The following OTUD3 variants were observed in gnomAD, a reference collection of about 807,000 sequenced individuals.
The protein encoded by OTUD3 is OTU domain-containing protein 3.
Under a neutral mutation model 46.2 loss-of-function variants are expected in OTUD3, and 24 were observed. The observed-to-expected ratio is 0.52, with a 90% CI of 0.38 to 0.73. OTUD3 has a LOEUF of 0.73. OTUD3 is among the 30% of genes least tolerant of loss of function. OTUD3 has a pLI of 0.00. For missense variants in OTUD3, 455 were observed against 523.3 expected, an observed-to-expected ratio of 0.87 and a Z score of 1.27; for synonymous variants, 189 against 195.4, an observed-to-expected ratio of 0.97 and a Z score of 0.27.
At chr1:19,891,636 C>G (rs1417962220) in intron 2 of OTUD3, among the ~76,000 whole-genome samples, 2 of 152,140 alleles carry the variant, frequency 1.3e-5, no homozygotes, top group African/African-American at 4.8e-5. Flanking sequence ...AAGAGTGATT[C>G]TGAAGTTTCT....
rs1359355653 is a variant in OTUD3, at chr1:19,910,118, C to G, written c.*2372C>G. On this transcript the variant is annotated 3_prime_UTR_variant, in exon 8 of 8. Transcript: ENST00000375120. Reference sequence around the variant, plus strand: ...TGCCTCAGTGGGCACTTGAAAATTCCTTCACTGGCAGCCCGAGTGGAGGCC... The same window carrying G: ...TGCCTCAGTGGGCACTTGAAAATTCGTTCACTGGCAGCCCGAGTGGAGGCC... 2 of 152,402 alleles carry G rather than the reference C, an allele frequency of 1.3e-5. No individual in the cohort carries two copies. 9.4% of individuals were successfully genotyped at this position (152,402 alleles called of 1,614,324 possible). A position where few individuals can be genotyped will look rare whatever the true frequency, so the allele number is the denominator to read the frequency against.
At position 19,910,641 on chromosome 1, in the gene OTUD3, A is replaced by G. The variant is rs1361325904; in HGVS notation, c.*2895A>G. 6.6e-6 allele frequency: 1 copy of G among 152,378 alleles called. No homozygotes were observed. The highest frequency in any genetic ancestry group is 6.5e-5 in the Admixed American group (1 of 15,288). The allele number at this position is 152,378 out of a possible 1,614,324, so 9.4% of individuals were successfully genotyped here. Reference sequence around the variant, plus strand: ...TTAAATGTTAGTCGAAGTTGTCTGTAGTTTCTTTATTAAGCTCTGAAAACA... The same window carrying G: ...TTAAATGTTAGTCGAAGTTGTCTGTGGTTTCTTTATTAAGCTCTGAAAACA... On this transcript the variant is annotated 3_prime_UTR_variant, in exon 8 of 8. Transcript: ENST00000375120.
chr1:19,884,664 A>G (rs141835221), intron 1 of OTUD3, among the ~76,000 whole-genome samples: 24 of 152,320 alleles, frequency 1.6e-4, no homozygotes, highest in Admixed American at 8.5e-4. Flanking sequence ...TCCATTAGCT[A>G]TCAGAGTGAT....
At position 19,909,564 on chromosome 1, in the gene OTUD3, A is replaced by T. The variant is rs2045708521; in HGVS notation, c.*1818A>T. 6.6e-6 allele frequency: 1 copy of T among 152,368 alleles called. No homozygotes were observed. Among genetic ancestry groups the T allele is most frequent in the South Asian group, 2.1e-4 (1 of 4,832 alleles). 9.4% of individuals were successfully genotyped at this position (152,368 alleles called of 1,614,324 possible). On this transcript the variant is annotated 3_prime_UTR_variant, in exon 8 of 8. Transcript: ENST00000375120. The stretch of plus-strand genomic sequence containing the variant: ...TGTCTTGGTTTTCAACTCTGGGCAG[A>T]TTCCTGACTGGCTGAGTGTTTCTGA...
chr1:19,891,606 G>A (rs541560177), intron 2 of OTUD3, among the ~76,000 whole-genome samples: 5 of 152,302 alleles, frequency 3.3e-5, no homozygotes, highest in African/African-American at 9.6e-5. Flanking sequence ...TTGGAGGTGA[G>A]GAGGGGAGAG....
In OTUD3 at chr1:19,882,578, G is replaced by T. The variant is rs201163171; in HGVS notation, c.65G>T (p.Arg22Leu). ...GGCAGCCGGAAAGCCGAGGCCGAGC[G>T]CAAGCGGGACGAGCGGGCGGCGCGC... ...GSGSRKAEAERKRDERAARRA... is the reference protein window; with the variant it reads ...GSGSRKAEAELKRDERAARRA... Residue 22 changes from arginine (R) to leucine (L), a missense_variant, in exon 1 of 8, where the codon CGC becomes CTC. Coordinates refer to ENST00000375120, the MANE Select transcript of OTUD3 (RefSeq NM_015207.2). The T allele has an allele frequency of 1.8e-3, 2,546 of 1,400,700 alleles. 16 individuals carry two copies. Among genetic ancestry groups the T allele is most frequent in the Admixed American group, 5.4e-3 (165 of 30,674 alleles). 86.8% of individuals were successfully genotyped at this position (1,400,700 alleles called of 1,614,324 possible). A position where few individuals can be genotyped will look rare whatever the true frequency, so the allele number is the denominator to read the frequency against.
chr1:19,906,631 G>A lies in OTUD3; in HGVS notation c.1020+15G>A, dbSNP rs2045665139. 1.3e-6 allele frequency: 2 copies of A among 1,592,400 alleles called. No individual in the cohort carries two copies. Among genetic ancestry groups the A allele is most frequent in the East Asian group, 2.3e-5 (1 of 44,240 alleles). ...AGCTCGCAAAGGTATGTAAGATGGG[G>A]TTGAATGGGCAGGTGGTGGGCAGGT... On this transcript the variant is annotated intron_variant, in intron 7 of 7. Transcript: ENST00000375120.
intron 6 of OTUD3, among the ~76,000 whole-genome samples, 162 bp downstream of exon 6, chr1:19,905,149 G>A (rs1043286076): frequency 6.6e-6 from 1 of 152,168 alleles, no homozygotes; most frequent in African/African-American, 2.4e-5. Context: ...ACTAGGTCCT[G>A]TCTCTGCTTC....
intron 2 of OTUD3, among the ~76,000 whole-genome samples, chr1:19,894,079 T>C (rs1053808176): frequency 2.6e-5 from 4 of 152,244 alleles, no homozygotes; most frequent in African/African-American, 9.6e-5. Context: ...ACTGTGTTTA[T>C]TGTTATGTTT....
chr1:19,906,829 GA>G, intron 7 of OTUD3: 2 of 444,176 alleles, frequency 4.5e-6, no homozygotes, highest in Non-Finnish European at 8.1e-6. Context: ...AATACACCCT[GA>G]AATTGTCCTC....
At chr1:19,883,690 A>C (rs953864593) in intron 1 of OTUD3, among the ~76,000 whole-genome samples, 1 of 152,162 alleles carries the variant, frequency 6.6e-6, no homozygotes, top group African/African-American at 2.4e-5. Context: ...TGTGTTGCCC[A>C]GGCTGGTCTC....
chr1:19,891,530 G>C (rs1260370746), intron 2 of OTUD3, among the ~76,000 whole-genome samples: 2 of 152,242 alleles, frequency 1.3e-5, no homozygotes, highest in Admixed American at 1.3e-4. Flanking sequence ...CATCAAGGTA[G>C]CTACTGAGGA....
chr1:19,887,758 T>C (rs2045387987), intron 1 of OTUD3, among the ~76,000 whole-genome samples: 1 of 152,242 alleles, frequency 6.6e-6, no homozygotes, highest in Non-Finnish European at 1.5e-5. Flanking sequence ...GTTCTTCATA[T>C]TGTATTAAAG....
In OTUD3 at chr1:19,912,553, C is replaced by T. The variant is rs1055074449; in HGVS notation, c.*4807C>T. On this transcript the variant is annotated 3_prime_UTR_variant, in exon 8 of 8. Transcript: ENST00000375120. ...TCCTTTACAGAGGGGTGGATGTATC[C>T]GTGGAGGAGGGGCCTTCTCTCTTTC... 4 of 152,794 alleles carry T rather than the reference C, an allele frequency of 2.6e-5. No homozygotes were observed. The highest frequency in any genetic ancestry group is 4.8e-5 in the African/African-American group (2 of 41,558). The allele number at this position is 152,794 out of a possible 1,614,324, so 9.5% of individuals were successfully genotyped here. A position where few individuals can be genotyped will look rare whatever the true frequency, so the allele number is the denominator to read the frequency against.
Position 19,912,367 on chromosome 1 carries a change from C to G in OTUD3, c.*4621C>G, listed in dbSNP as rs3738122. 0.2 allele frequency: 30,106 copies of G among 152,470 alleles called. 3,534 individuals are homozygous for G. Among genetic ancestry groups the G allele is most frequent in the Non-Finnish European group, 0.28 (18,920 of 68,018 alleles). The allele number at this position is 152,470 out of a possible 1,614,324, so 9.4% of individuals were successfully genotyped here. A position where few individuals can be genotyped will look rare whatever the true frequency, so the allele number is the denominator to read the frequency against. On this transcript the variant is annotated 3_prime_UTR_variant, in exon 8 of 8. Transcript: ENST00000375120. ...GGCTTCACACATTTTCCCACTCTTACAGTTCATTTTTCATAGTAGGAAGGG... is the reference window on the plus strand; with the variant it reads ...GGCTTCACACATTTTCCCACTCTTAGAGTTCATTTTTCATAGTAGGAAGGG...
At chr1:19,884,866 T>TA (rs1429401563) in intron 1 of OTUD3, among the ~76,000 whole-genome samples, 4 of 152,214 alleles carry the variant, frequency 2.6e-5, no homozygotes, top group African/African-American at 9.6e-5. Flanking sequence ...TATAGTTTGA[T>TA]ATATTTTTAG....
chr1:19,890,532 T>A lies in OTUD3; in HGVS notation c.369T>A (p.His123Gln), dbSNP rs771190012. 6.2e-7 allele frequency: 1 copy of A among 1,613,692 alleles called. No individual in the cohort carries two copies. Among genetic ancestry groups the A allele is most frequent in the Non-Finnish European group, 8.5e-7 (1 of 1,179,636 alleles). The change falls in exon 2 of 8, where the codon CAT becomes CAA. Residue 123 changes from histidine (H) to glutamine (Q), a missense_variant and splice_region_variant. By Grantham distance (24) the His-to-Gln change is conservative. Coordinates refer to ENST00000375120, the MANE Select transcript of OTUD3 (RefSeq NM_015207.2). ...FVEDDIPFEK[H>Q]VASLAKPGTF... ...AAGATGACATTCCTTTTGAGAAGCA[T>A]GGTAGGTTCACTGTGGGACATTGTG...
chr1:19,882,814 C>T (rs970741071), intron 1 of OTUD3, 80 bp downstream of exon 1: 30 of 1,196,338 alleles, frequency 2.5e-5, no homozygotes, highest in Non-Finnish European at 1.2e-5. Flanking sequence ...CGCTCGCGTC[C>T]ATCCATCCAT....
intron 2 of OTUD3, among the ~76,000 whole-genome samples, chr1:19,894,004 A>C (rs551611120): frequency 6.6e-6 from 1 of 152,242 alleles, no homozygotes; most frequent in Non-Finnish European, 1.5e-5. Context: ...GTACTTGTCT[A>C]TGAGATGTGA....
Sources: gnomAD v4.1 joint callset for allele counts (sites outside exome capture counted in the v4.1 genomes callset) on GRCh38, gnomAD v4.1.1 for gene constraint, MANE v1.5 for transcripts, NCBI Gene and HGNC (gene_info 2026-07-23, HGNC 2026-07-21) for gene names.